Variants in HHLA1 observed in about 807,000 individuals in gnomAD.
The protein encoded by HHLA1 is HHLA1 neighbor of OC90.
In HHLA1, 72 loss-of-function variants were observed where a neutral mutation model predicts 69.9. The observed-to-expected ratio is 1.03, with a 90% CI of 0.85 to 1.25. The LOEUF (loss-of-function observed/expected upper bound fraction) is 1.25. Ranked by LOEUF, HHLA1 falls within the 50% of genes most tolerant of loss-of-function variation. The pLI, the probability that HHLA1 is intolerant of heterozygous loss-of-function variation, is 0.00. For missense variants in HHLA1, 685 were observed against 642.2 expected, an observed-to-expected ratio of 1.07 and a Z score of -0.72; for synonymous variants, 252 against 233.2, an observed-to-expected ratio of 1.08 and a Z score of -0.73.
chr8:132,079,875 C>G lies in HHLA1; in HGVS notation c.768G>C (p.Gln256His), dbSNP rs16904585. The change falls in exon 11 of 17, where the codon CAG (glutamine) becomes CAC (histidine). Residue 256 changes from glutamine to histidine, a missense_variant. Physicochemically the swap from Gln to His is conservative, Grantham distance 24 (BLOSUM62 0). Coordinates refer to ENST00000414222, the MANE Select transcript of HHLA1 (RefSeq NM_001145095.3). ...LPSTSPGHWT[Q>H]STPWASALRS... ...TCAGAGCAGATGCCCAGGGTGTGCT[C>G]TGGGTCCAGTGTCCGGGGCTTGTAC... 3.5e-3 allele frequency: 5,475 copies of G among 1,552,094 alleles called. 146 individuals are homozygous for G. The African/African-American group carries it at 0.059, about 17-fold the overall frequency.
chr8:132,068,992 G>A (rs1586722970), intron 15 of HHLA1, among the ~76,000 whole-genome samples: 1 of 152,224 alleles, frequency 6.6e-6, no homozygotes, highest in South Asian at 2.1e-4. Flanking sequence ...TTCTGAACAA[G>A]GAGGGAGTAG....
chr8:132,086,324 C>T (rs1290039194), intron 10 of HHLA1, among the ~76,000 whole-genome samples: 1 of 150,274 alleles, frequency 6.7e-6, no homozygotes, highest in African/African-American at 2.5e-5. Flanking sequence ...CCCTCACCTC[C>T]CCCAGAATGC....
rs1185513419 is a variant in HHLA1 at position 132,061,978 on chromosome 8, G to T, written c.*2017C>A. The T allele has an allele frequency of 1.3e-5, 2 of 152,178 alleles. No homozygotes were observed. Among genetic ancestry groups the T allele is most frequent in the East Asian group, 3.9e-4 (2 of 5,188 alleles). 9.4% of individuals were successfully genotyped at this position (152,178 alleles called of 1,614,324 possible). ...GTATGGGGTAACTGGGTTCACATGG[G>T]TTTCCCCACAAGTGAATAGCCCCAG... On this transcript the variant is annotated 3_prime_UTR_variant, in exon 17 of 17. Coordinates refer to ENST00000414222, the MANE Select transcript of HHLA1 (RefSeq NM_001145095.3).
At chr8:132,109,305 G>A (rs563917757) in intron 1 of HHLA1, among the ~76,000 whole-genome samples, 1 of 152,280 alleles carries the variant, frequency 6.6e-6, no homozygotes, top group South Asian at 2.1e-4. Context: ...GGACTGCCTA[G>A]GTTTACTTCC....
chr8:132,101,295 A>C, intron 3 of HHLA1: 14 of 1,549,398 alleles, frequency 9.0e-6, no homozygotes, highest in Non-Finnish European at 1.2e-5. Context: ...GTTTTCATGA[A>C]TAAAATAGTA....
intron 1 of HHLA1, among the ~76,000 whole-genome samples, chr8:132,105,712 A>T (rs1824193251): frequency 6.6e-6 from 1 of 152,204 alleles, no homozygotes; most frequent in Admixed American, 6.5e-5. Flanking sequence ...CCATACCAAA[A>T]TTACTTATAT....
rs1393290120 is a variant in HHLA1 at position 132,063,299 on chromosome 8, ATGAATCATTGAACC to A, written c.*682_*695del. Reference sequence around the variant, plus strand: ...TTTTCCCTACCTCTGAGTTCTACTCATGAATCATTGAACCTGAGGGTGCTCATGGGGACCTCTGA... The same window carrying A: ...TTTTCCCTACCTCTGAGTTCTACTCATGAGGGTGCTCATGGGGACCTCTGA... On this transcript the variant is annotated 3_prime_UTR_variant, in exon 17 of 17. Transcript: ENST00000414222. The A allele has an allele frequency of 6.6e-6, 1 of 152,214 alleles. No homozygotes were observed. Among genetic ancestry groups the A allele is most frequent in the Non-Finnish European group, 1.5e-5 (1 of 68,040 alleles). 9.4% of individuals were successfully genotyped at this position (152,214 alleles called of 1,614,324 possible).
At chr8:132,089,261 C>G (rs1823907335) in intron 8 of HHLA1, among the ~76,000 whole-genome samples, 1 of 152,182 alleles carries the variant, frequency 6.6e-6, no homozygotes. Context: ...TTGAGTCTGC[C>G]TACGTTCCTT....
chr8:132,100,188 C>G, intron 3 of HHLA1, 54 bp from the exon 4 acceptor site: 2 of 1,337,292 alleles, frequency 1.5e-6, no homozygotes, highest in Non-Finnish European at 2.1e-6. Flanking sequence ...GTTCCTACCC[C>G]CAGGAATGGA....
chr8:132,087,755 C>A lies in HHLA1; in HGVS notation c.590-16G>T, dbSNP rs752634462. The A allele has an allele frequency of 6.5e-7, 1 of 1,547,074 alleles. No homozygotes were observed. Among genetic ancestry groups the A allele is most frequent in the Non-Finnish European group, 8.8e-7 (1 of 1,142,788 alleles). On this transcript the variant is annotated splice_polypyrimidine_tract_variant and intron_variant, in intron 9 of 16. Coordinates refer to ENST00000414222, the MANE Select transcript of HHLA1 (RefSeq NM_001145095.3). ...AGATTCCTTCCTGCAAAAATCACAC[C>A]AACAGGGTCAGATCTTGGGTTTCAT...
intron 11 of HHLA1, among the ~76,000 whole-genome samples, chr8:132,079,418 A>G (rs1211894541): frequency 2.0e-5 from 3 of 152,246 alleles, no homozygotes; most frequent in Non-Finnish European, 4.4e-5. Flanking sequence ...AGGCTGGGTG[A>G]AGGGTACCAG....
chr8:132,106,463 G>A (rs1263239726), intron 1 of HHLA1, among the ~76,000 whole-genome samples: 2 of 152,188 alleles, frequency 1.3e-5, no homozygotes, highest in Admixed American at 6.5e-5. Flanking sequence ...TGGGGCTTTC[G>A]TGGAATTCAC....
At chr8:132,080,763 G>T (rs1823737654) in intron 10 of HHLA1, 1 of 152,286 alleles carries the variant, frequency 6.6e-6, no homozygotes, top group Admixed American at 6.5e-5. Context: ...TTTGGGGGGT[G>T]GTATGGAGAG....
chr8:132,099,494 G>A (rs1824079746), intron 4 of HHLA1, among the ~76,000 whole-genome samples: 1 of 152,222 alleles, frequency 6.6e-6, no homozygotes, highest in South Asian at 2.1e-4. Flanking sequence ...TCTCCCAGGT[G>A]TAGCAGGAGT....
At chr8:132,070,849 A>C (rs1823526203) in intron 15 of HHLA1, among the ~76,000 whole-genome samples, 1 of 152,084 alleles carries the variant, frequency 6.6e-6, no homozygotes, top group Non-Finnish European at 1.5e-5. Flanking sequence ...AACTCAAGTC[A>C]TCCCAACTCA....
rs1824013928 is a variant in HHLA1 at position 132,095,740 on chromosome 8, G to A, written c.327C>T (p.Ser109=). The A allele has an allele frequency of 6.4e-7, 1 of 1,551,274 alleles. No homozygotes were observed. The highest frequency in any genetic ancestry group is 2.4e-5 in the East Asian group (1 of 40,918). Residue 109 remains serine (S), a synonymous_variant, in exon 6 of 17, where the codon TCC becomes TCT. Transcript: ENST00000414222. The part of the protein sequence containing the change: ...FSLLSVTSYS[S]FAFHKFSVAV... Reference sequence around the variant, plus strand: ...CTACAGAAAACTTGTGGAAGGCGAAGGAACTGTAGGAAGTGACACTCAGCA... The same window carrying A: ...CTACAGAAAACTTGTGGAAGGCGAAAGAACTGTAGGAAGTGACACTCAGCA...
At chr8:132,097,285 C>T (rs554247439) in intron 5 of HHLA1, among the ~76,000 whole-genome samples, 15 of 152,300 alleles carry the variant, frequency 9.8e-5, no homozygotes. Flanking sequence ...TCAGCTGGAT[C>T]AGAATCTCCA....
intron 15 of HHLA1, among the ~76,000 whole-genome samples, chr8:132,068,261 C>T (rs1310909858): frequency 1.3e-5 from 2 of 152,186 alleles, no homozygotes; most frequent in African/African-American, 4.8e-5. Context: ...CCATTCTGTG[C>T]CTGAATTCAC....
At chr8:132,066,265 T>TA (rs1053677339) in intron 15 of HHLA1, among the ~76,000 whole-genome samples, 16 of 152,134 alleles carry the variant, frequency 1.1e-4, no homozygotes, top group Admixed American at 8.5e-4. Flanking sequence ...TTCTCATATA[T>TA]AAATGAAAGG....
Sources: gnomAD v4.1 joint callset for allele counts (sites outside exome capture counted in the v4.1 genomes callset) on GRCh38, gnomAD v4.1.1 for gene constraint, MANE v1.5 for transcripts, NCBI Gene and HGNC (gene_info 2026-07-23, HGNC 2026-07-21) for gene names.